The following STIM1 variants were observed in gnomAD, a reference collection of about 807,000 sequenced individuals.
The protein encoded by STIM1 is stromal interaction molecule 1.
STIM1 carries 25 observed loss-of-function variants against 74.7 expected under a neutral mutation model. The observed-to-expected ratio is 0.33, with a 90% CI of 0.24 to 0.47. STIM1 has a LOEUF of 0.47. Among genes scored for constraint, STIM1 ranks in the 20% least tolerant of loss-of-function variants. The pLI, the probability that STIM1 is intolerant of heterozygous loss-of-function variation, is 1.00. For synonymous variants in STIM1, 328 were observed against 348.8 expected (o/e 0.94, Z 0.66); for missense variants, 728 against 920.8 (o/e 0.79, Z 2.71).
chr11:4,074,569 C>T lies in STIM1; in HGVS notation c.859C>T (p.Arg287Cys), dbSNP rs1034949340. The change falls in exon 7 of 13, where the codon CGC becomes TGC. Residue 287 changes from arginine (R) to cysteine (C), a missense_variant. Around this residue, in one of 5 missense-constraint regions of STIM1, gnomAD observed 131 missense variants for 235.9 expected, o/e 0.56. Transcript: ENST00000526596. ...VEKVHLEKKL[R>C]DEINLAKQEA... is the part of the protein sequence containing the mutation. ...GAAGGTCCATCTGGAAAAGAAGCTG[C>T]GCGATGAGATCAACCTTGCTAAGCA... 8.7e-6 allele frequency: 14 copies of T among 1,613,890 alleles called. No individual in the cohort carries two copies. Among genetic ancestry groups the T allele is most frequent in the African/African-American group, 8.0e-5 (6 of 74,896 alleles).
chr11:3,861,628 T>A (rs1414548384), intron 1 of STIM1, among the ~76,000 whole-genome samples: 1 of 152,228 alleles, frequency 6.6e-6, no homozygotes, highest in Non-Finnish European at 1.5e-5. Context: ...ATCTGTTGAT[T>A]TCTATTGATG....
chr11:3,911,579 G>C (rs1028472345), intron 1 of STIM1, among the ~76,000 whole-genome samples: 4 of 151,894 alleles, frequency 2.6e-5, no homozygotes, highest in African/African-American at 9.7e-5. Flanking sequence ...TAGAGACGGG[G>C]TCTCCTTCTG....
At chr11:3,891,574 T>G (rs11030176) in intron 1 of STIM1, among the ~76,000 whole-genome samples, 39,284 of 152,112 alleles carry the variant, frequency 0.26, 5,898 homozygotes, top group South Asian at 0.4. Context: ...TGTGAGCCAC[T>G]GTGCAGGCTC....
At chr11:4,063,333 C>T (rs113323509) in intron 5 of STIM1, among the ~76,000 whole-genome samples, 116 of 152,204 alleles carry the variant, frequency 7.6e-4, no homozygotes, top group African/African-American at 2.7e-3. Flanking sequence ...TTGTGCTTTG[C>T]CTTACTGCAC....
chr11:4,086,603 G>T (rs748049243), intron 12 of STIM1, 60 bp downstream of exon 12: 1 of 1,606,352 alleles, frequency 6.2e-7, no homozygotes, highest in Non-Finnish European at 8.5e-7. Flanking sequence ...CGGCGAATGC[G>T]CAGCCTTTCA....
chr11:4,023,789 A>G lies in STIM1; in HGVS notation c.271-84A>G. The stretch of plus-strand genomic sequence containing the variant: ...TGGGTAGATGGAATGTGTTATGGCT[A>G]GCTAGAGGCAGGTGACCTGTGTGGA... On this transcript the variant is annotated intron_variant, in intron 2 of 12. Coordinates refer to ENST00000526596, the MANE Select transcript of STIM1 (RefSeq NM_001382567.1). 3 of 922,274 alleles carry G rather than the reference A, an allele frequency of 3.3e-6. No homozygotes were observed. The South Asian group carries it at 4.1e-5, about 13-fold the overall frequency. The allele number at this position is 922,274 out of a possible 1,614,324, so 57.1% of individuals were successfully genotyped here.
At chr11:3,944,387 C>CAA (rs2093047098) in intron 1 of STIM1, among the ~76,000 whole-genome samples, 1 of 152,158 alleles carries the variant, frequency 6.6e-6, no homozygotes, top group Non-Finnish European at 1.5e-5. Flanking sequence ...CTGATTGAAT[C>CAA]ACTGGCCTCT....
At chr11:4,009,151 C>T (rs1000673825) in intron 2 of STIM1, among the ~76,000 whole-genome samples, 10 of 151,452 alleles carry the variant, frequency 6.6e-5, no homozygotes, top group South Asian at 2.1e-4. Flanking sequence ...AAAAATTAGC[C>T]GGGTGTGGTG....
chr11:3,923,000 G>C (rs2092737727), intron 1 of STIM1, among the ~76,000 whole-genome samples: 2 of 151,782 alleles, frequency 1.3e-5, no homozygotes, highest in African/African-American at 4.8e-5. Context: ...TCGGGAGGCT[G>C]AGGCAGGAGA....
chr11:3,962,234 C>T (rs1313983601), intron 1 of STIM1, among the ~76,000 whole-genome samples: 5 of 152,132 alleles, frequency 3.3e-5, no homozygotes, highest in East Asian at 1.9e-4. Flanking sequence ...TTACCGTCCT[C>T]CCCCACTCCT....
chr11:4,073,813 G>A (rs575211560), intron 6 of STIM1, among the ~76,000 whole-genome samples: 2 of 152,216 alleles, frequency 1.3e-5, no homozygotes, highest in African/African-American at 2.4e-5. Flanking sequence ...TCAGGGCCTG[G>A]GGGCAGCAGG....
At chr11:3,865,579 C>T (rs2090823143) in intron 1 of STIM1, among the ~76,000 whole-genome samples, 1 of 152,168 alleles carries the variant, frequency 6.6e-6, no homozygotes, top group Non-Finnish European at 1.5e-5. Flanking sequence ...TATCTGTTTC[C>T]TATGGTGCCT....
chr11:4,057,996 C>T (rs953708477), intron 4 of STIM1, among the ~76,000 whole-genome samples: 3 of 152,088 alleles, frequency 2.0e-5, no homozygotes, highest in Non-Finnish European at 4.4e-5. Context: ...GTTGCTTAGT[C>T]AGTGTTAGCT....
intron 3 of STIM1, among the ~76,000 whole-genome samples, chr11:4,039,260 T>G (rs2094128577): frequency 6.6e-6 from 1 of 151,922 alleles, no homozygotes; most frequent in Admixed American, 6.6e-5. Flanking sequence ...CCACTGTACT[T>G]CAGCCTGGGT....
intron 1 of STIM1, among the ~76,000 whole-genome samples, chr11:3,874,766 A>G (rs1416279983): frequency 6.6e-6 from 1 of 152,118 alleles, no homozygotes; most frequent in Non-Finnish European, 1.5e-5. Context: ...AAGATTTGGT[A>G]CTCAGGGTGT....
At chr11:4,039,059 G>A (rs771741836) in intron 3 of STIM1, among the ~76,000 whole-genome samples, 3 of 152,102 alleles carry the variant, frequency 2.0e-5, no homozygotes, top group African/African-American at 7.2e-5. Context: ...TAGGAGTAGC[G>A]ATAAGCTTAG....
At position 3,966,387 on chromosome 11, in the gene STIM1, A is replaced by C. The variant is rs116616214; in HGVS notation, c.140-1165A>C. ...GTAGAGAGGTGACCTGTCTAGTCTT[A>C]TCACTGTCTTTGGCTGTCAGACAAG... On this transcript the variant is annotated intron_variant, in intron 1 of 12. Transcript: ENST00000526596. Among the ~76,000 whole-genome samples the C allele has an allele frequency of 7.0e-3, 1,069 of 152,356 alleles. 15 individuals carry two copies. Among genetic ancestry groups the C allele is most frequent in the African/African-American group, 0.022 (901 of 41,576 alleles).
At chr11:3,904,783 G>A (rs2135452097) in intron 1 of STIM1, among the ~76,000 whole-genome samples, 1 of 152,208 alleles carries the variant, frequency 6.6e-6, no homozygotes, top group African/African-American at 2.4e-5. Context: ...GAGAGAGCCG[G>A]GGAAGTTAAT....
intron 1 of STIM1, among the ~76,000 whole-genome samples, chr11:3,950,163 T>A (rs2093127922): frequency 6.6e-6 from 1 of 150,880 alleles, no homozygotes; most frequent in Non-Finnish European, 1.5e-5. Context: ...AGACAGAGTC[T>A]TGCTCTGTTG....
Sources: allele counts gnomAD v4.1 joint callset (sites outside exome capture counted in the v4.1 genomes callset), GRCh38; gene constraint gnomAD v4.1.1; regional missense constraint gnomAD v4.1.1; transcripts MANE v1.5; gene names NCBI Gene and HGNC (gene_info 2026-07-23, HGNC 2026-07-21).